MGST2: variants seen among roughly 807,000 people sequenced by gnomAD.
MGST2 encodes the protein glutathione peroxidase MGST2.
MGST2 carries 9 observed loss-of-function variants against 16.6 expected under a neutral mutation model. That is an observed-to-expected ratio of 0.54 (90% CI 0.33 to 0.95). The LOEUF is 0.95. MGST2 is among the 40% of genes least tolerant of loss of function. MGST2 has a pLI of 0.03. For synonymous variants in MGST2, 79 were observed against 68.0 expected, an observed-to-expected ratio of 1.16 and a Z score of -0.79; for missense variants, 159 against 175.1, an observed-to-expected ratio of 0.91 and a Z score of 0.52.
chr4:139,691,924 TCTC>T (rs1489151438), intron 2 of MGST2, among the ~76,000 whole-genome samples: 13 of 152,090 alleles, frequency 8.5e-5, no homozygotes, highest in Non-Finnish European at 1.9e-4. Context: ...ACGGTCTCGA[TCTC>T]CTGACCTCGT....
chr4:139,744,894 T>C (rs533033065), downstream of MGST2, among the ~76,000 whole-genome samples: 1 of 152,146 alleles, frequency 6.6e-6, no homozygotes, highest in Non-Finnish European at 1.5e-5. Flanking sequence ...GGCGTAGAAA[T>C]AGGCCCAAAT....
chr4:139,699,347 TA>T (rs1727111361), intron 3 of MGST2, among the ~76,000 whole-genome samples: 1 of 152,266 alleles, frequency 6.6e-6, no homozygotes, highest in Non-Finnish European at 1.5e-5. Context: ...TATGCTTTGA[TA>T]AATTTTAACT....
chr4:139,673,149 C>T (rs550885075), intron 1 of MGST2, among the ~76,000 whole-genome samples: 16 of 152,246 alleles, frequency 1.1e-4, no homozygotes, highest in Non-Finnish European at 2.4e-4. Flanking sequence ...GGTACTAAAA[C>T]AAGTCAGACA....
At chr4:139,731,529 A>C (rs1357177820) in intron 5 of MGST2, 1 of 151,820 alleles carries the variant, frequency 6.6e-6, no homozygotes, top group African/African-American at 2.5e-5. Context: ...AAGGCAGAGA[A>C]TTGCTTGAAC....
At chr4:139,679,093 A>C in intron 2 of MGST2, 1 of 182,208 alleles carries the variant, frequency 5.5e-6, no homozygotes, top group South Asian at 1.2e-4. Context: ...GAAACCTGTA[A>C]GAATGAGAAA....
intron 2 of MGST2, among the ~76,000 whole-genome samples, chr4:139,691,443 A>G (rs752379519): frequency 1.3e-5 from 2 of 152,182 alleles, no homozygotes; most frequent in Non-Finnish European, 2.9e-5. Flanking sequence ...ATGCCTGCTG[A>G]CAGCTTACTG....
At chr4:139,748,685 C>T in the MGST2 span, among the ~76,000 whole-genome samples, 1 of 152,122 alleles carries the variant, frequency 6.6e-6, no homozygotes, top group Non-Finnish European at 1.5e-5. Context: ...GGGTAAGGAG[C>T]AAAAGCACAA....
At chr4:139,717,797 T>G (rs1415456045) in intron 5 of MGST2, 1 of 152,346 alleles carries the variant, frequency 6.6e-6, no homozygotes, top group Non-Finnish European at 1.5e-5. Context: ...CCACTCTCAC[T>G]TAGGACGACA....
At chr4:139,682,960 G>A (rs560690927) in intron 2 of MGST2, among the ~76,000 whole-genome samples, 142 of 151,936 alleles carry the variant, frequency 9.3e-4, no homozygotes, top group Middle Eastern at 3.5e-3. Flanking sequence ...CACCACCCAC[G>A]AGCTGGAGAC....
At chr4:139,750,023 A>G in the MGST2 span, among the ~76,000 whole-genome samples, 1 of 152,166 alleles carries the variant, frequency 6.6e-6, no homozygotes, top group Non-Finnish European at 1.5e-5. Flanking sequence ...GTGACAGTGA[A>G]TTTGATTGTA....
chr4:139,716,415 A>G (rs981222504), intron 5 of MGST2, among the ~76,000 whole-genome samples: 1 of 152,170 alleles, frequency 6.6e-6, no homozygotes, highest in African/African-American at 2.4e-5. Flanking sequence ...TTATTTTTCC[A>G]GTGGAGCCTC....
At chr4:139,666,558 G>GA (rs905655750) in intron 1 of MGST2, among the ~76,000 whole-genome samples, 12 of 152,034 alleles carry the variant, frequency 7.9e-5, no homozygotes, top group Admixed American at 2.0e-4. Context: ...TTATCAGATT[G>GA]AAAAAAACTT....
intron 5 of MGST2, among the ~76,000 whole-genome samples, chr4:139,729,608 A>T (rs1348580375): frequency 6.6e-6 from 1 of 152,100 alleles, no homozygotes; most frequent in African/African-American, 2.4e-5. Flanking sequence ...CTCTGTGCAG[A>T]CCCTCACAGA....
chr4:139,699,404 C>G (rs893606080), intron 3 of MGST2, among the ~76,000 whole-genome samples: 1 of 152,122 alleles, frequency 6.6e-6, no homozygotes, highest in East Asian at 1.9e-4. Flanking sequence ...TCTGCTGAAG[C>G]TTTGTAAAAA....
chr4:139,676,648 C>A (rs911174054), intron 1 of MGST2, among the ~76,000 whole-genome samples: 2 of 152,176 alleles, frequency 1.3e-5, no homozygotes, highest in South Asian at 4.1e-4. Flanking sequence ...TAAAAAAACA[C>A]CTTCACAGCA....
chr4:139,732,307 G>T (rs1478421381), intron 5 of MGST2, among the ~76,000 whole-genome samples: 2 of 152,114 alleles, frequency 1.3e-5, no homozygotes, highest in Non-Finnish European at 2.9e-5. Flanking sequence ...CCTATGGCTT[G>T]GGCTTGTGTT....
At chr4:139,721,354 C>T (rs935577472) in intron 5 of MGST2, among the ~76,000 whole-genome samples, 10 of 152,094 alleles carry the variant, frequency 6.6e-5, no homozygotes, top group African/African-American at 2.2e-4. Flanking sequence ...TACACAAAAA[C>T]GGATTTTTCT....
downstream of MGST2, among the ~76,000 whole-genome samples, chr4:139,708,020 G>C (rs1727588741): frequency 6.6e-6 from 1 of 152,290 alleles, no homozygotes; most frequent in African/African-American, 2.4e-5. Flanking sequence ...TGTTCACTCT[G>C]ATGGTAGTTT....
At chr4:139,748,526 G>A in the MGST2 span, among the ~76,000 whole-genome samples, 2 of 152,166 alleles carry the variant, frequency 1.3e-5, no homozygotes, top group African/African-American at 2.4e-5. Context: ...GAGTAAAACT[G>A]AAGGAGCAGG....
Sources: gnomAD v4.1 joint callset for allele counts (sites outside exome capture counted in the v4.1 genomes callset) on GRCh38, gnomAD v4.1.1 for gene constraint, MANE v1.5 for transcripts, NCBI Gene and HGNC (gene_info 2026-07-23, HGNC 2026-07-21) for gene names.